GOLGA4: variants seen among roughly 807,000 people sequenced by gnomAD.
GOLGA4 encodes golgin subfamily A member 4.
GOLGA4 carries 169 observed loss-of-function variants against 265.9 expected under a neutral mutation model. That is an observed-to-expected ratio of 0.64 (90% confidence interval 0.56 to 0.72). GOLGA4 has a LOEUF of 0.72. Ranked by LOEUF, GOLGA4 falls within the 30% of genes least tolerant of loss-of-function variation. The pLI is 0.00. For synonymous variants in GOLGA4, 923 were observed against 855.8 expected, an observed-to-expected ratio of 1.08 and a Z score of -1.37; for missense variants, 2,482 against 2,483.4, an observed-to-expected ratio of 1.00 and a Z score of 0.01.
chr3:37,270,819 C>T (rs759213655), intron 2 of GOLGA4, among the ~76,000 whole-genome samples: 2 of 151,950 alleles, frequency 1.3e-5, no homozygotes, highest in East Asian at 1.9e-4. Flanking sequence ...ATGATTCGAG[C>T]GCATTACATT....
At position 37,340,204 on chromosome 3, in the gene GOLGA4, G is replaced by A. The variant is rs370053450; in HGVS notation, c.6472+5G>A. 576 of 1,187,040 alleles carry A rather than the reference G, an allele frequency of 4.9e-4. 3 individuals are homozygous for A. Among genetic ancestry groups the A allele is most frequent in the Middle Eastern group, 3.7e-3 (19 of 5,072 alleles). The allele number at this position is 1,187,040 out of a possible 1,614,324, so 73.5% of individuals were successfully genotyped here. Reference sequence around the variant, plus strand: ...CTGTGGGGACACCTTACAAAGGTAAGGATGATCTCGTGTCATGTTATTAAC... The same window carrying A: ...CTGTGGGGACACCTTACAAAGGTAAAGATGATCTCGTGTCATGTTATTAAC... On this transcript the variant is annotated splice_donor_5th_base_variant and intron_variant, in intron 20 of 23. Coordinates refer to ENST00000361924, the MANE Select transcript of GOLGA4 (RefSeq NM_002078.5).
intron 20 of GOLGA4, among the ~76,000 whole-genome samples, chr3:37,344,472 C>G (rs2097049553): frequency 6.7e-6 from 1 of 150,372 alleles, no homozygotes; most frequent in African/African-American, 2.4e-5. Context: ...TTGTCTATGC[C>G]TGCTCTAATA....
chr3:37,345,466 T>A (rs1463042022), intron 20 of GOLGA4, among the ~76,000 whole-genome samples: 1 of 152,222 alleles, frequency 6.6e-6, no homozygotes, highest in African/African-American at 2.4e-5. Context: ...GTGTGGGTTT[T>A]AAAATGCTGA....
chr3:37,303,342 G>A (rs1006575217), intron 10 of GOLGA4, among the ~76,000 whole-genome samples: 1 of 152,208 alleles, frequency 6.6e-6, no homozygotes, highest in Admixed American at 6.5e-5. Flanking sequence ...AGCTTTAGCC[G>A]CCTTGCTAGG....
At position 37,312,723 on chromosome 3, in the gene GOLGA4, T is replaced by C. The variant is rs7625016; in HGVS notation, c.1235-2697T>C. On this transcript the variant is annotated intron_variant, in intron 10 of 23. Transcript: ENST00000361924. Reference sequence around the variant, plus strand: ...TTTTTTTGTAGAGATGGGATTTCACTGTGTTGCCTAGGCTGGTCTTGAACT... The same window carrying C: ...TTTTTTTGTAGAGATGGGATTTCACCGTGTTGCCTAGGCTGGTCTTGAACT... Among the ~76,000 whole-genome samples, 1,449 of 152,114 alleles carry C rather than the reference T, an allele frequency of 9.5e-3. 36 individuals carry two copies. The highest frequency in any genetic ancestry group is 0.033 in the African/African-American group (1,360 of 41,490).
At chr3:37,353,604 C>T (rs575974559) in intron 21 of GOLGA4, among the ~76,000 whole-genome samples, 4 of 152,150 alleles carry the variant, frequency 2.6e-5, no homozygotes, top group Admixed American at 6.6e-5. Flanking sequence ...GCGGTGCGAT[C>T]GTAGTTCACT....
At chr3:37,281,200 T>C (rs2096833745) in intron 2 of GOLGA4, among the ~76,000 whole-genome samples, 1 of 152,228 alleles carries the variant, frequency 6.6e-6, no homozygotes. Flanking sequence ...GTTATTCCAA[T>C]TAATTAGGAG....
At position 37,325,215 on chromosome 3, in the gene GOLGA4, A is replaced by G. The variant is rs773121307; in HGVS notation, c.3329A>G (p.Glu1110Gly). The G allele has an allele frequency of 1.2e-6, 2 of 1,612,890 alleles. No homozygotes were observed. The highest frequency in any genetic ancestry group is 1.1e-5 in the South Asian group (1 of 90,924). The change falls in exon 14 of 24, where the codon GAA becomes GGA. Residue 1110 changes from glutamate (E) to glycine (G), a missense_variant. Around this residue, in one of 3 missense-constraint regions of GOLGA4, gnomAD observed 1,536 missense variants for 1,483.7 expected, o/e 1.04. Transcript: ENST00000361924. ...EGVKQDTTLN[E>G]LQEQLKQKSA... is the part of the protein sequence containing the mutation. ...GTTAAGCAGGATACAACATTAAATG[A>G]ATTACAGGAACAGTTAAAGCAGAAG...
intron 14 of GOLGA4, 97 bp from the exon 15 acceptor site, chr3:37,328,319 A>G (rs1209032737): frequency 4.3e-6 from 5 of 1,163,692 alleles, no homozygotes; most frequent in South Asian, 1.5e-5. Context: ...TTTTCATACA[A>G]TGAACTCATA....
rs1307196785 is a variant in GOLGA4 at position 37,251,432 on chromosome 3, GCAGGACATCTT to G, written c.113_123del (p.Arg38IlefsTer6). ...TCTTCAACACCAACAAGAATGAGGA[GCAGGACATCTT>G]CATTTACAGAGCAACTTGATGAAGG... On this transcript the variant is annotated frameshift_variant, in exon 2 of 24. Coordinates refer to ENST00000361924, the MANE Select transcript of GOLGA4 (RefSeq NM_002078.5). LOFTEE classifies it high-confidence loss of function. 6.2e-7 allele frequency: 1 copy of G among 1,613,028 alleles called. No homozygotes were observed. Among genetic ancestry groups the G allele is most frequent in the Non-Finnish European group, 8.5e-7 (1 of 1,179,172 alleles).
intron 22 of GOLGA4, 24 bp from the exon 23 acceptor site, chr3:37,361,218 GC>G: frequency 6.3e-7 from 1 of 1,584,712 alleles, no homozygotes; most frequent in Middle Eastern, 1.7e-4. Flanking sequence ...AACCCAATAA[GC>G]TTTTTTTCTT....
At chr3:37,359,708 C>G (rs2097099597) in intron 22 of GOLGA4, among the ~76,000 whole-genome samples, 2 of 152,030 alleles carry the variant, frequency 1.3e-5, no homozygotes, top group South Asian at 4.2e-4. Context: ...TCATTTTCTT[C>G]CCCTGTTGGA....
At chr3:37,347,899 T>A (rs991338880) in intron 21 of GOLGA4, among the ~76,000 whole-genome samples, 1 of 152,200 alleles carries the variant, frequency 6.6e-6, no homozygotes, top group Non-Finnish European at 1.5e-5. Context: ...AAGAGCCTTA[T>A]TGGACATTTG....
intron 2 of GOLGA4, chr3:37,275,891 A>C (rs2096816461): frequency 6.2e-7 from 1 of 1,613,678 alleles, no homozygotes; most frequent in South Asian, 1.1e-5. Flanking sequence ...ATCTTTGGCA[A>C]AGTCTCTCAT....
In GOLGA4 at chr3:37,324,709, G is replaced by T; in HGVS notation, c.2823G>T (p.Leu941Phe). The T allele has an allele frequency of 6.3e-7, 1 of 1,599,858 alleles. No individual in the cohort carries two copies. Among genetic ancestry groups the T allele is most frequent in the South Asian group, 1.1e-5 (1 of 87,192 alleles). The change falls in exon 14 of 24, where the codon TTG becomes TTT. Residue 941 changes from leucine to phenylalanine, a missense_variant. Coordinates refer to ENST00000361924, the MANE Select transcript of GOLGA4 (RefSeq NM_002078.5). Reference sequence around the variant, plus strand: ...CCAAGGAGGACAGTATTCATATTTTGAATGAGGAATATGAAACCAAATTTA... The same window carrying T: ...CCAAGGAGGACAGTATTCATATTTTTAATGAGGAATATGAAACCAAATTTA... The part of the protein sequence containing the change: ...LSAKEDSIHI[L>F]NEEYETKFKN...
intron 19 of GOLGA4, among the ~76,000 whole-genome samples, chr3:37,339,167 C>A (rs1022944293): frequency 6.6e-6 from 1 of 152,130 alleles, no homozygotes; most frequent in South Asian, 2.1e-4. Context: ...CGGCCTGTGT[C>A]GGGCTTTTTT....
In GOLGA4 at chr3:37,295,019, A is replaced by G; in HGVS notation, c.623A>G (p.Glu208Gly). 1 of 1,611,490 alleles carries G rather than the reference A, an allele frequency of 6.2e-7. No homozygotes were observed. The highest frequency in any genetic ancestry group is 8.5e-7 in the Non-Finnish European group (1 of 1,178,268). Reference protein sequence around the residue: ...MDQQAKKHLQEEFDASLEEKD... With the variant: ...MDQQAKKHLQGEFDASLEEKD... ...CAGCAGGCAAAGAAACATCTGCAAG[A>G]GGAGTTTGATGCATCTTTAGAGGAG... Residue 208 changes from glutamate to glycine, a missense_variant, in exon 6 of 24, where the codon GAG becomes GGG. Transcript: ENST00000361924.
intron 22 of GOLGA4, among the ~76,000 whole-genome samples, chr3:37,360,692 A>G (rs1325208745): frequency 6.6e-6 from 1 of 152,160 alleles, no homozygotes; most frequent in Non-Finnish European, 1.5e-5. Context: ...AGTTTCCTTA[A>G]ATTGAAATTT....
rs184226783 is a variant in GOLGA4 at position 37,310,746 on chromosome 3, T to A, written c.1235-4674T>A. Among the ~76,000 whole-genome samples, 124 of 151,910 alleles carry A rather than the reference T, an allele frequency of 8.2e-4. 1 individual carries two copies. The East Asian group carries it at 0.016, about 19-fold the overall frequency. On this transcript the variant is annotated intron_variant, in intron 10 of 23. Transcript: ENST00000361924. ...GTGTGTGTGTGTGTGTTTTTTTTTT[T>A]AAATAAAAATTGCCTGAGATACATT...
Sources: allele counts gnomAD v4.1 joint callset (sites outside exome capture counted in the v4.1 genomes callset), GRCh38; gene constraint gnomAD v4.1.1; regional missense constraint gnomAD v4.1.1; transcripts MANE v1.5; gene names NCBI Gene and HGNC (gene_info 2026-07-23, HGNC 2026-07-21).